Variants in GIGYF1 observed in about 807,000 individuals in gnomAD.
GIGYF1 encodes GRB10 interacting GYF protein 1, also known as GRB10-interacting GYF protein 1.
A neutral mutation model predicts 147.1 loss-of-function variants in GIGYF1; 84 were observed. That is an observed-to-expected ratio of 0.57 (90% CI 0.48 to 0.68). GIGYF1 has a LOEUF of 0.68. GIGYF1 is among the 30% of genes least tolerant of loss of function. The probability of loss-of-function intolerance (pLI) is 0.00; values close to 1 mark genes in which losing one functional copy is unlikely to be tolerated. For missense variants in GIGYF1, 1,485 were observed against 1,393.7 expected, an observed-to-expected ratio of 1.07 and a Z score of -1.04; for synonymous variants, 752 against 589.5, an observed-to-expected ratio of 1.28 and a Z score of -3.99.
chr7:100,687,425 G>T lies in GIGYF1; in HGVS notation c.374-19C>A. The T allele has an allele frequency of 2.5e-6, 4 of 1,611,980 alleles. No homozygotes were observed. The highest frequency in any genetic ancestry group is 3.4e-6 in the Non-Finnish European group (4 of 1,178,882). On this transcript the variant is annotated intron_variant, in intron 7 of 26. Coordinates refer to ENST00000678049, the MANE Select transcript of GIGYF1 (RefSeq NM_001375765.1). Reference sequence around the variant, plus strand: ...CCGCGGCCTAGAGAAGAGGCCAGACGCACAATGAAACCTGCTGCACGTTCT... The same window carrying T: ...CCGCGGCCTAGAGAAGAGGCCAGACTCACAATGAAACCTGCTGCACGTTCT...
Position 100,683,057 on chromosome 7 carries a change from G to T in GIGYF1, c.2367C>A (p.Pro789=), listed in dbSNP as rs373297103. The part of the protein sequence containing the change: ...LEGERQLHKQ[P]PPREPARAQA... ...GGGCCCGAGCTGGCTCCCGAGGTGG[G>T]GGCTGTTTGTGCAGCTGCCGCTCGC... is the stretch of plus-strand genomic sequence containing the variant. The change falls in exon 22 of 27, where the codon CCC becomes CCA. Residue 789 remains proline (P), a synonymous_variant. Transcript: ENST00000678049. 3.3e-5 allele frequency: 52 copies of T among 1,575,714 alleles called. No individual in the cohort carries two copies. In the African/African-American group the frequency reaches 6.0e-4, roughly 18 times the overall value.
Position 100,687,400 on chromosome 7 carries a change from C to G in GIGYF1, c.380G>C (p.Gly127Ala). The part of the protein sequence containing the change: ...GRGSTRSRGR[G>A]RGDSCFYQRS... ...TTGGTAAAAGCAGCTGTCACCACGG[C>G]CGCGGCCTAGAGAAGAGGCCAGACG... Residue 127 changes from glycine (G) to alanine (A), a missense_variant, in exon 8 of 27, where the codon GGC becomes GCC. Gly to Ala is a moderately conservative substitution (Grantham distance 60, BLOSUM62 0). Transcript: ENST00000678049. The G allele has an allele frequency of 6.2e-7, 1 of 1,613,360 alleles. No individual in the cohort carries two copies. Among genetic ancestry groups the G allele is most frequent in the South Asian group, 1.1e-5 (1 of 91,074 alleles).
At chr7:100,683,690 A>G (rs951291233) in intron 19 of GIGYF1, 58 bp from the exon 20 acceptor site, 2 of 1,569,082 alleles carry the variant, frequency 1.3e-6, no homozygotes, top group Admixed American at 1.7e-5. Flanking sequence ...CCACTGATCT[A>G]GTCCAGCCGC....
At chr7:100,687,258 G>A (rs770973696) in intron 8 of GIGYF1, 40 bp downstream of exon 8, 3 of 1,583,924 alleles carry the variant, frequency 1.9e-6, no homozygotes, top group Non-Finnish European at 2.6e-6. Flanking sequence ...TCCCCTCCCT[G>A]GCCTGCCCGG....
rs765820174 is a variant in GIGYF1 at position 100,686,297 on chromosome 7, C to T, written c.831G>A (p.Arg277=). ...RGGGGSSHLR[R]CRAPEGFEED... ...CCTCAAAGCCTTCAGGCGCTCGGCA[C>T]CGCCGCAGGTGAGAGCTGCCTCCCC... Residue 277 remains arginine, a synonymous_variant, in exon 11 of 27, where the codon CGG becomes CGA. Coordinates refer to ENST00000678049, the MANE Select transcript of GIGYF1 (RefSeq NM_001375765.1). 4 of 1,613,938 alleles carry T rather than the reference C, an allele frequency of 2.5e-6. No individual in the cohort carries two copies. The highest frequency in any genetic ancestry group is 3.3e-5 in the Admixed American group (2 of 59,994).
In GIGYF1 at chr7:100,682,434, C is replaced by T. The variant is rs979122742; in HGVS notation, c.2649G>A (p.Glu883=). 3.1e-6 allele frequency: 5 copies of T among 1,613,516 alleles called. No individual in the cohort carries two copies. The African/African-American group carries it at 4.0e-5, about 13-fold the overall frequency. ...LSGRPIRKKT[E]EEEKLLKLLQ... ...GCAGCTTCAGCAGCTTCTCTTCTTC[C>T]TCCGTCTTTTTGCGAATGGGCCGAC... The change falls in exon 24 of 27, where the codon GAG becomes GAA. Residue 883 remains glutamate (E), a synonymous_variant. Coordinates refer to ENST00000678049, the MANE Select transcript of GIGYF1 (RefSeq NM_001375765.1).
chr7:100,683,890 T>G lies in GIGYF1; in HGVS notation c.1897A>C (p.Met633Leu). 1 of 1,555,724 alleles carries G rather than the reference T, an allele frequency of 6.4e-7. No individual in the cohort carries two copies. The highest frequency in any genetic ancestry group is 8.7e-7 in the Non-Finnish European group (1 of 1,149,278). Reference protein sequence around the residue: ...RGGDQNLLPTMSRSLSVPDSG... With the variant: ...RGGDQNLLPTLSRSLSVPDSG... ...TCTGGCACCGACAAGGACCGGCTCA[T>G]CGTCGGGAGCAGGTTCTGGTCCCCG... The change falls in exon 19 of 27, where the codon ATG (methionine) becomes CTG (leucine). Residue 633 changes from methionine (M) to leucine (L), a missense_variant. Transcript: ENST00000678049.
Position 100,683,244 on chromosome 7 carries a change from A to G in GIGYF1, c.2194-14T>C, listed in dbSNP as rs1804967760. On this transcript the variant is annotated splice_polypyrimidine_tract_variant and intron_variant, in intron 21 of 26. Coordinates refer to ENST00000678049, the MANE Select transcript of GIGYF1 (RefSeq NM_001375765.1). ...CTGCTGCCGCACCTAAGAGGGGGAC[A>G]TGGTGAGGGGACCTGGCGAGGGTTG... 3 of 1,612,942 alleles carry G rather than the reference A, an allele frequency of 1.9e-6. No homozygotes were observed. Among genetic ancestry groups the G allele is most frequent in the Non-Finnish European group, 2.5e-6 (3 of 1,179,906 alleles).
chr7:100,685,118 G>A lies in GIGYF1; in HGVS notation c.1221C>T (p.Pro407=), dbSNP rs146520591. 1.0e-4 allele frequency: 160 copies of A among 1,583,856 alleles called. No homozygotes were observed. The African/African-American group carries it at 1.7e-3, about 17-fold the overall frequency. The change falls in exon 14 of 27, where the codon CCC becomes CCT. Residue 407 remains proline (P), a synonymous_variant. Transcript: ENST00000678049. ...EDDIRGIQLS[P]GVGSSAGPPG... ...GTGGGCCAGCAGAGGAGCCCACCCC[G>A]GGACTCAGCTGGATCCCCCGAATAT...
rs148635376 is a variant in GIGYF1, at chr7:100,683,262, G to A, written c.2194-32C>T. 6,291 of 1,613,340 alleles carry A rather than the reference G, an allele frequency of 3.9e-3. 205 individuals are homozygous for A. In the African/African-American group the frequency reaches 0.072, roughly 18 times the overall value. ...GGGGGACATGGTGAGGGGACCTGGCGAGGGTTGTCCACCCAGCCAGCTGAG... is the reference window on the plus strand; with the variant it reads ...GGGGGACATGGTGAGGGGACCTGGCAAGGGTTGTCCACCCAGCCAGCTGAG... On this transcript the variant is annotated intron_variant, in intron 21 of 26. Coordinates refer to ENST00000678049, the MANE Select transcript of GIGYF1 (RefSeq NM_001375765.1).
chr7:100,683,624 C>A lies in GIGYF1; in HGVS notation c.1978G>T (p.Ala660Ser), dbSNP rs540283502. 2.5e-6 allele frequency: 4 copies of A among 1,614,128 alleles called. No individual in the cohort carries two copies. In the Admixed American group the frequency reaches 5.0e-5, roughly 20 times the overall value. Residue 660 changes from alanine (A) to serine (S), a missense_variant, in exon 20 of 27, where the codon GCC becomes TCC. By Grantham distance (99) the Ala-to-Ser change is moderately conservative. Coordinates refer to ENST00000678049, the MANE Select transcript of GIGYF1 (RefSeq NM_001375765.1). ...TTAATTGGTATGTCCCAAAGACTGG[C>A]CTCACCACCTGCAGGGGGCAGGGGG... ...TSASSQSGGE[A>S]SLWDIPINSS...
Position 100,687,879 on chromosome 7 carries a change from G to A in GIGYF1, c.170C>T (p.Pro57Leu), listed in dbSNP as rs199784430. 102 of 1,613,460 alleles carry A rather than the reference G, an allele frequency of 6.3e-5. No individual in the cohort carries two copies. The highest frequency in any genetic ancestry group is 1.2e-4 in the African/African-American group (9 of 75,010). ...LALYVKENKV[P>L]EELQDKEFAA... Reference sequence around the variant, plus strand: ...GAACTCCTTGTCCTGCAGCTCTTCCGGGACCTGGCAGTGGGTTGGGACAGC... The same window carrying A: ...GAACTCCTTGTCCTGCAGCTCTTCCAGGACCTGGCAGTGGGTTGGGACAGC... Residue 57 changes from proline to leucine, a missense_variant, in exon 6 of 27, where the codon CCG becomes CTG. Physicochemically the swap from Pro to Leu is moderately conservative, Grantham distance 98. Coordinates refer to ENST00000678049, the MANE Select transcript of GIGYF1 (RefSeq NM_001375765.1).
Position 100,679,531 on chromosome 7 carries a change from T to G in GIGYF1, c.*2188A>C, listed in dbSNP as rs1458638428. 6.6e-6 allele frequency: 1 copy of G among 152,562 alleles called. No homozygotes were observed. The highest frequency in any genetic ancestry group is 1.5e-5 in the Non-Finnish European group (1 of 68,200). The allele number at this position is 152,562 out of a possible 1,614,324, so 9.5% of individuals were successfully genotyped here. On this transcript the variant is annotated 3_prime_UTR_variant, in exon 27 of 27. Coordinates refer to ENST00000678049, the MANE Select transcript of GIGYF1 (RefSeq NM_001375765.1). Reference sequence around the variant, plus strand: ...CGGGAGAACACACACCAAGTTTTATTGGGAGAAGGGAGTATTTACAGGAGC... The same window carrying G: ...CGGGAGAACACACACCAAGTTTTATGGGGAGAAGGGAGTATTTACAGGAGC...
In GIGYF1 at chr7:100,682,182, C is replaced by T. The variant is rs1225569414; in HGVS notation, c.2815G>A (p.Asp939Asn). 1.3e-5 allele frequency: 21 copies of T among 1,613,796 alleles called. No individual in the cohort carries two copies. The highest frequency in any genetic ancestry group is 2.2e-5 in the East Asian group (1 of 44,878). Residue 939 changes from aspartate (D) to asparagine (N), a missense_variant, in exon 25 of 27, where the codon GAT becomes AAT. Transcript: ENST00000678049. ...TCCCCCAGGCAGGAACGGATATAAT[C>T]GTGGACATCATAGGGGGATTCCACC... ...KEVESPYDVH[D>N]YIRSCLGDTL...
At position 100,684,121 on chromosome 7, in the gene GIGYF1, T is replaced by C. The variant is rs969383204; in HGVS notation, c.1767A>G (p.Ala589=). 30 of 1,608,474 alleles carry C rather than the reference T, an allele frequency of 1.9e-5. No homozygotes were observed. In the East Asian group the frequency reaches 6.7e-4, roughly 36 times the overall value. ...QLPQCALREK[A]ALGDLTPPPP... ...GTGGCGGTGTCAGGTCCCCCAGAGC[T>C]GCCTTTTCTCGGAGCGCGCACTGTG... Residue 589 remains alanine, a synonymous_variant, in exon 18 of 27, where the codon GCA becomes GCG. Coordinates refer to ENST00000678049, the MANE Select transcript of GIGYF1 (RefSeq NM_001375765.1).
rs1335095949 is a variant in GIGYF1, at chr7:100,687,608, G to A, written c.270C>T (p.Phe90=). The change falls in exon 7 of 27, where the codon TTC becomes TTT. Residue 90 remains phenylalanine (F), a synonymous_variant. Coordinates refer to ENST00000678049, the MANE Select transcript of GIGYF1 (RefSeq NM_001375765.1). ...EPLTEEEQRN[F]SLSVNSVAVL... ...CAGCCACGCTGTTCACTGACAGGGA[G>A]AAGTTTCTCTGAGGAGGGAGCCAGG... The A allele has an allele frequency of 2.5e-6, 4 of 1,611,112 alleles. No homozygotes were observed. The highest frequency in any genetic ancestry group is 1.1e-5 in the South Asian group (1 of 90,936).
At chr7:100,693,793 G>C (rs1584516356) in intron 1 of GIGYF1, 1 of 151,852 alleles carries the variant, frequency 6.6e-6, no homozygotes, top group African/African-American at 2.4e-5. Flanking sequence ...CCTTCAGGGA[G>C]GGGCGCCAGG....
Position 100,688,607 on chromosome 7 carries a change from G to C in GIGYF1, c.-150C>G. On this transcript the variant is annotated 5_prime_UTR_variant, in exon 2 of 27. Transcript: ENST00000678049. ...CGGGGCTCACCTGGCAGCCTGGCCC[G>C]GGAAGAAGGAGGGCAGGGGCTGGTG... 2.0e-6 allele frequency: 1 copy of C among 508,310 alleles called. No individual in the cohort carries two copies. The highest frequency in any genetic ancestry group is 1.6e-5 in the South Asian group (1 of 63,434). The allele number at this position is 508,310 out of a possible 1,614,324, so 31.5% of individuals were successfully genotyped here. A position where few individuals can be genotyped will look rare whatever the true frequency, so the allele number is the denominator to read the frequency against.
In GIGYF1 at chr7:100,683,183, C is replaced by T. The variant is rs774995550; in HGVS notation, c.2241G>A (p.Ala747=). Residue 747 remains alanine, a synonymous_variant, in exon 22 of 27, where the codon GCG becomes GCA. Coordinates refer to ENST00000678049, the MANE Select transcript of GIGYF1 (RefSeq NM_001375765.1). ...AGCTGGGTGCGGGGGGCACAGGGAC[C>T]GCCTGCTGCTGCTGTAGCAACTTCA... is the stretch of plus-strand genomic sequence containing the variant. The part of the protein sequence containing the change: ...LLLKLLQQQQ[A]VPVPPAPSSP... 36 of 1,606,512 alleles carry T rather than the reference C, an allele frequency of 2.2e-5. No individual in the cohort carries two copies. Among genetic ancestry groups the T allele is most frequent in the African/African-American group, 1.2e-4 (9 of 74,902 alleles).
Sources: gnomAD v4.1 joint callset for allele counts on GRCh38, gnomAD v4.1.1 for gene constraint, MANE v1.5 for transcripts, NCBI Gene and HGNC (gene_info 2026-07-23, HGNC 2026-07-21) for gene names.